EPHA6: variants seen among roughly 807,000 people sequenced by gnomAD.
EPHA6 encodes ephrin type-A receptor 6.
EPHA6 carries 50 observed loss-of-function variants against 112.0 expected under a neutral mutation model. That is an observed-to-expected ratio of 0.45 (90% CI 0.36 to 0.56). The LOEUF (loss-of-function observed/expected upper bound fraction) is 0.56. Ranked by LOEUF, EPHA6 falls within the 20% of genes least tolerant of loss-of-function variation. The probability of loss-of-function intolerance (pLI) is 0.00; values close to 1 mark genes in which losing one functional copy is unlikely to be tolerated. For missense variants in EPHA6, 1,280 were observed against 1,417.4 expected (o/e 0.90, Z 1.56); for synonymous variants, 529 against 490.7 (o/e 1.08, Z -1.03).
chr3:97,629,732 T>G (rs2093887769), intron 13 of EPHA6, among the ~76,000 whole-genome samples: 1 of 151,968 alleles, frequency 6.6e-6, no homozygotes, highest in South Asian at 2.1e-4. Context: ...AAATTTATAA[T>G]TTAACCATGC....
At chr3:96,824,933 T>C (rs139579110) in intron 1 of EPHA6, among the ~76,000 whole-genome samples, 2 of 151,820 alleles carry the variant, frequency 1.3e-5, no homozygotes, top group African/African-American at 4.8e-5. Flanking sequence ...TGAAGAGGTA[T>C]AGCTGAAATT....
intron 3 of EPHA6, among the ~76,000 whole-genome samples, chr3:97,189,137 G>C (rs1417283274): frequency 6.6e-6 from 1 of 151,740 alleles, no homozygotes; most frequent in Non-Finnish European, 1.5e-5. Context: ...CATAAAATCT[G>C]GAAATGTAAA....
intron 7 of EPHA6, chr3:97,466,334 A>T: frequency 1.3e-6 from 2 of 1,594,644 alleles, no homozygotes; most frequent in Non-Finnish European, 1.7e-6. Context: ...CCTAGTTTGG[A>T]TATATAAAGT....
intron 3 of EPHA6, among the ~76,000 whole-genome samples, chr3:97,005,320 G>T (rs141242307): frequency 5.7e-4 from 87 of 152,198 alleles, no homozygotes; most frequent in African/African-American, 2.0e-3. Flanking sequence ...TCTCCTTGAA[G>T]AGGTCCTTCA....
chr3:96,897,475 G>A (rs1377754159), intron 2 of EPHA6, among the ~76,000 whole-genome samples: 1 of 152,110 alleles, frequency 6.6e-6, no homozygotes, highest in Non-Finnish European at 1.5e-5. Flanking sequence ...AATCATAAAT[G>A]TATCTTTATG....
intron 3 of EPHA6, among the ~76,000 whole-genome samples, chr3:97,086,631 A>G (rs1474373732): frequency 1.3e-5 from 2 of 152,094 alleles, no homozygotes; most frequent in African/African-American, 2.4e-5. Flanking sequence ...ATATGCATAC[A>G]TATGTTAACA....
intron 2 of EPHA6, among the ~76,000 whole-genome samples, chr3:96,952,039 T>C (rs925710249): frequency 6.6e-6 from 1 of 152,144 alleles, no homozygotes; most frequent in Admixed American, 6.6e-5. Context: ...ATCTTGACAG[T>C]CAAGGTTCTT....
At chr3:96,911,742 C>G (rs1156406506) in intron 2 of EPHA6, among the ~76,000 whole-genome samples, 1 of 151,924 alleles carries the variant, frequency 6.6e-6, no homozygotes, top group Non-Finnish European at 1.5e-5. Context: ...TTAAATTAAT[C>G]TATAGCCTAG....
chr3:97,580,313 T>C (rs2093425655), intron 11 of EPHA6, among the ~76,000 whole-genome samples: 1 of 152,170 alleles, frequency 6.6e-6, no homozygotes, highest in Non-Finnish European at 1.5e-5. Context: ...AGCAAACTAC[T>C]CAAATTTACA....
intron 2 of EPHA6, among the ~76,000 whole-genome samples, chr3:96,942,634 G>T (rs973532120): frequency 6.6e-6 from 1 of 152,206 alleles, no homozygotes; most frequent in Non-Finnish European, 1.5e-5. Flanking sequence ...TGCGCCCACT[G>T]TCTGGCACTC....
At chr3:96,823,227 AG>A (rs2033405251) in intron 1 of EPHA6, among the ~76,000 whole-genome samples, 1 of 151,768 alleles carries the variant, frequency 6.6e-6, no homozygotes. Flanking sequence ...CCAATAAATT[AG>A]TTATTCTGAG....
chr3:97,296,765 T>C (rs1201866208), intron 5 of EPHA6, among the ~76,000 whole-genome samples: 1 of 152,136 alleles, frequency 6.6e-6, no homozygotes, highest in Non-Finnish European at 1.5e-5. Context: ...GCACATGCTT[T>C]GGCTCTCTTT....
rs376297754 is a variant in EPHA6, at chr3:97,614,203, C to G, written c.2574+3349C>G. ...GCCACATGTCAACCACAAAAAAATT[C>G]CTTTGTTTTATAACATTTGTTGAAT... On this transcript the variant is annotated intron_variant, in intron 13 of 17. Transcript: ENST00000389672. Among the ~76,000 whole-genome samples the G allele has an allele frequency of 2.0e-5, 3 of 151,774 alleles. No individual in the cohort carries two copies. In the South Asian group the frequency reaches 6.2e-4, roughly 32 times the overall value.
chr3:96,954,773 CTTTTTTTTTTTT>C (rs10612575), intron 2 of EPHA6, among the ~76,000 whole-genome samples: 15 of 72,684 alleles, frequency 2.1e-4, no homozygotes, highest in African/African-American at 6.1e-4. Flanking sequence ...ACTGGTGTGC[CTTTTTTTTTTTT>C]TTTTTTTTTT....
intron 3 of EPHA6, among the ~76,000 whole-genome samples, chr3:97,079,865 A>C (rs569812284): frequency 3.6e-4 from 54 of 152,098 alleles, no homozygotes; most frequent in Non-Finnish European, 6.5e-4. Flanking sequence ...CCAGCAAAAA[A>C]ATTATGACTT....
intron 2 of EPHA6, among the ~76,000 whole-genome samples, chr3:96,951,858 C>T (rs1158453714): frequency 6.6e-6 from 1 of 151,874 alleles, no homozygotes; most frequent in Non-Finnish European, 1.5e-5. Context: ...TATATTATAG[C>T]AGTTGAGAGA....
chr3:97,317,270 A>G (rs1030684520), intron 5 of EPHA6, among the ~76,000 whole-genome samples: 1 of 152,006 alleles, frequency 6.6e-6, no homozygotes, highest in Non-Finnish European at 1.5e-5. Flanking sequence ...GAACTACTGA[A>G]GATGACTAGT....
chr3:97,618,064 A>G (rs2093781236), intron 13 of EPHA6, among the ~76,000 whole-genome samples: 1 of 152,044 alleles, frequency 6.6e-6, no homozygotes, highest in African/African-American at 2.4e-5. Context: ...GAAAGAACTG[A>G]TATCATAACA....
At chr3:97,145,043 G>A (rs1236090607) in intron 3 of EPHA6, among the ~76,000 whole-genome samples, 2 of 151,292 alleles carry the variant, frequency 1.3e-5, no homozygotes, top group East Asian at 1.9e-4. Context: ...CAGAAAAATG[G>A]TATAGAATAT....
Sources: allele counts gnomAD v4.1 joint callset (sites outside exome capture counted in the v4.1 genomes callset), GRCh38; gene constraint gnomAD v4.1.1; transcripts MANE v1.5; gene names NCBI Gene and HGNC (gene_info 2026-07-23, HGNC 2026-07-21).